TTC27: variants seen among roughly 807,000 people sequenced by gnomAD.
TTC27 encodes tetratricopeptide repeat protein 27.
TTC27 carries 79 observed loss-of-function variants against 115.9 expected under a neutral mutation model. That is an observed-to-expected ratio of 0.68 (90% confidence interval 0.57 to 0.82). TTC27 has a LOEUF of 0.82. Ranked by LOEUF, TTC27 falls within the 40% of genes least tolerant of loss-of-function variation. TTC27 has a pLI of 0.00. For synonymous variants in TTC27, 401 were observed against 356.0 expected (o/e 1.13, Z -1.42); for missense variants, 1,054 against 993.1 (o/e 1.06, Z -0.82).
chr2:32,679,943 C>G (rs1357235755), intron 9 of TTC27, among the ~76,000 whole-genome samples: 2 of 152,154 alleles, frequency 1.3e-5, no homozygotes, highest in South Asian at 2.1e-4. Flanking sequence ...GTGAGCCACA[C>G]TGCACTTCAG....
chr2:32,630,471 G>A (rs1247584040), intron 1 of TTC27, 52 bp from the exon 2 acceptor site: 2 of 1,403,598 alleles, frequency 1.4e-6, no homozygotes, highest in African/African-American at 1.4e-5. Context: ...TATCCTTTAC[G>A]GTATGAAAAA....
chr2:32,799,672 A>G (rs1670854912), intron 16 of TTC27, among the ~76,000 whole-genome samples: 1 of 152,218 alleles, frequency 6.6e-6, no homozygotes, highest in Admixed American at 6.5e-5. Context: ...AATAAGAAAG[A>G]TAAAAAGCTA....
At chr2:32,729,688 AG>A (rs1280659786) in intron 10 of TTC27, among the ~76,000 whole-genome samples, 2 of 152,092 alleles carry the variant, frequency 1.3e-5, no homozygotes, top group East Asian at 3.9e-4. Context: ...ACCGCGCCCC[AG>A]GGGCCTCCTC....
chr2:32,674,154 CTTTT>C (rs1296988706), intron 8 of TTC27, among the ~76,000 whole-genome samples: 1 of 142,476 alleles, frequency 7.0e-6, no homozygotes, highest in Non-Finnish European at 1.5e-5. Flanking sequence ...AAATCTTGTT[CTTTT>C]TTTTTTTTTT....
intron 9 of TTC27, among the ~76,000 whole-genome samples, chr2:32,686,995 C>T (rs1334624559): frequency 6.6e-6 from 1 of 152,106 alleles, no homozygotes; most frequent in African/African-American, 2.4e-5. Flanking sequence ...CAGGCATGCA[C>T]CACTACACCC....
chr2:32,664,307 G>A lies in TTC27; in HGVS notation c.645G>A (p.Met215Ile), dbSNP rs756616439. 4 of 1,592,100 alleles carry A rather than the reference G, an allele frequency of 2.5e-6. No homozygotes were observed. The South Asian group carries it at 3.4e-5, about 14-fold the overall frequency. ...GTTTTATCTTTTGTCTTGCAGTGAT[G>A]AAACTACAGAATCTGTTTGTAGATG... Reference protein sequence around the residue: ...TLAENCIDQVMKLQNLFVDDS... With the variant: ...TLAENCIDQVIKLQNLFVDDS... Residue 215 changes from methionine (M) to isoleucine (I), a missense_variant, in exon 6 of 20, where the codon ATG becomes ATA. Physicochemically the swap from Met to Ile is conservative, Grantham distance 10. Coordinates refer to ENST00000317907, the MANE Select transcript of TTC27 (RefSeq NM_017735.5).
intron 10 of TTC27, among the ~76,000 whole-genome samples, chr2:32,728,953 A>G (rs7370516): frequency 0.8 from 122,124 of 152,116 alleles, 49,117 homozygotes; most frequent in Middle Eastern, 0.88. Flanking sequence ...TGGCTCAACT[A>G]TTGGATTATA....
chr2:32,674,025 G>T (rs1380591588), intron 8 of TTC27, among the ~76,000 whole-genome samples: 1 of 151,980 alleles, frequency 6.6e-6, no homozygotes, highest in Non-Finnish European at 1.5e-5. Flanking sequence ...TAGACTAAAT[G>T]AATATCCCAT....
chr2:32,787,127 G>A lies in TTC27; in HGVS notation c.1976G>A (p.Arg659His), dbSNP rs552911750. 472 of 1,612,740 alleles carry A rather than the reference G, an allele frequency of 2.9e-4. 9 individuals carry two copies. In the South Asian group the frequency reaches 4.7e-3, roughly 16 times the overall value. Residue 659 changes from arginine (R) to histidine (H), a missense_variant, in exon 16 of 20, where the codon CGT (arginine) becomes CAT (histidine). Arg to His is a conservative substitution (Grantham distance 29). Coordinates refer to ENST00000317907, the MANE Select transcript of TTC27 (RefSeq NM_017735.5). Reference protein sequence around the residue: ...IKAYHRLLDLRDKYKDVQVLK... With the variant: ...IKAYHRLLDLHDKYKDVQVLK... ...GCTTATCACCGGCTCTTGGACTTAC[G>A]TGACAAATACAAAGATGTTCAGGTA... is the stretch of plus-strand genomic sequence containing the variant.
In TTC27 at chr2:32,758,367, G is replaced by A. The variant is rs751077757; in HGVS notation, c.1528G>A (p.Gly510Arg). ...SLYCLLGDVLGDHSCYDKAWE... is the reference protein window; with the variant it reads ...SLYCLLGDVLRDHSCYDKAWE... ...ATACTGCTTGCTTGGAGATGTCCTC[G>A]GAGACCATTCTTGCTATGACAAGGC... The change falls in exon 13 of 20, where the codon GGA (glycine) becomes AGA (arginine). Residue 510 changes from glycine to arginine, a missense_variant. Gly to Arg is a moderately radical substitution (Grantham distance 125). Transcript: ENST00000317907. 1.1e-5 allele frequency: 18 copies of A among 1,614,050 alleles called. No individual in the cohort carries two copies. The highest frequency in any genetic ancestry group is 1.6e-4 in the Middle Eastern group (1 of 6,084).
chr2:32,820,062 G>A (rs1366196024), intron 19 of TTC27, among the ~76,000 whole-genome samples: 2 of 152,242 alleles, frequency 1.3e-5, no homozygotes, highest in East Asian at 1.9e-4. Context: ...TACAAATCAT[G>A]TAGTCAAATC....
rs754298424 is a variant in TTC27, at chr2:32,758,445, C to T, written c.1606C>T (p.Leu536Phe). 20 of 1,614,184 alleles carry T rather than the reference C, an allele frequency of 1.2e-5. No homozygotes were observed. Among genetic ancestry groups the T allele is most frequent in the South Asian group, 6.6e-5 (6 of 91,090 alleles). The change falls in exon 13 of 20, where the codon CTT (leucine) becomes TTT (phenylalanine). Residue 536 changes from leucine to phenylalanine, a missense_variant. Leu to Phe is a conservative substitution (Grantham distance 22). Coordinates refer to ENST00000317907, the MANE Select transcript of TTC27 (RefSeq NM_017735.5). ...SARAQRSKAL[L>F]HLRNKEFQEC... Reference sequence around the variant, plus strand: ...TCGTGCTCAGCGCTCCAAAGCCCTCCTTCATCTTCGGAACAAGGAGTTTCA... The same window carrying T: ...TCGTGCTCAGCGCTCCAAAGCCCTCTTTCATCTTCGGAACAAGGAGTTTCA...
chr2:32,640,073 A>G (rs776283833), intron 3 of TTC27, among the ~76,000 whole-genome samples, 197 bp from the exon 4 acceptor site: 4 of 152,202 alleles, frequency 2.6e-5, no homozygotes, highest in Non-Finnish European at 4.4e-5. Context: ...GTGGCCATCC[A>G]TCAGGGCAGG....
At chr2:32,782,941 T>C (rs1169640189) in intron 15 of TTC27, among the ~76,000 whole-genome samples, 2 of 152,210 alleles carry the variant, frequency 1.3e-5, no homozygotes, top group South Asian at 2.1e-4. Context: ...AAGTTTTACA[T>C]TCTACATTTT....
rs768707294 is a variant in TTC27, at chr2:32,811,138, G to A, written c.2113G>A (p.Val705Met). Residue 705 changes from valine (V) to methionine (M), a missense_variant, in exon 17 of 20, where the codon GTG becomes ATG. Val to Met is a conservative substitution (Grantham distance 21). Transcript: ENST00000317907. ...GTTATTTGGCAGAGTGACTTCAAGA[G>A]TGACAAATGATGGAGAAATCTGGAG... ...QELFGRVTSR[V>M]TNDGEIWRLY... 3 of 1,614,184 alleles carry A rather than the reference G, an allele frequency of 1.9e-6. No individual in the cohort carries two copies. Among genetic ancestry groups the A allele is most frequent in the Non-Finnish European group, 2.5e-6 (3 of 1,180,036 alleles).
At chr2:32,767,461 T>G (rs1451001936) in intron 13 of TTC27, among the ~76,000 whole-genome samples, 2 of 140,406 alleles carry the variant, frequency 1.4e-5, no homozygotes, top group Non-Finnish European at 3.1e-5. Context: ...TTGTTTTTTT[T>G]TTTTTTTTTG....
At chr2:32,670,612 T>C (rs1477397453) in intron 7 of TTC27, among the ~76,000 whole-genome samples, 1 of 152,054 alleles carries the variant, frequency 6.6e-6, no homozygotes, top group Non-Finnish European at 1.5e-5. Flanking sequence ...TAAGTTTTTT[T>C]TTTTCTCTTC....
At chr2:32,736,974 A>T (rs1006611400) in intron 12 of TTC27, among the ~76,000 whole-genome samples, 158 bp downstream of exon 12, 1 of 152,072 alleles carries the variant, frequency 6.6e-6, no homozygotes, top group Non-Finnish European at 1.5e-5. Flanking sequence ...TCTGATTTCC[A>T]CTGGGGCAGA....
intron 10 of TTC27, among the ~76,000 whole-genome samples, chr2:32,709,292 T>A (rs1559216322): frequency 6.6e-6 from 1 of 152,144 alleles, no homozygotes; most frequent in Non-Finnish European, 1.5e-5. Context: ...GGGAAAGATG[T>A]CAGTTTTACA....
Sources: allele counts gnomAD v4.1 joint callset (sites outside exome capture counted in the v4.1 genomes callset), GRCh38; gene constraint gnomAD v4.1.1; transcripts MANE v1.5; gene names NCBI Gene and HGNC (gene_info 2026-07-23, HGNC 2026-07-21).